Variants in MALRD1 observed in about 807,000 individuals in gnomAD.
MALRD1 encodes MAM and LDL-receptor class A domain-containing protein 1.
A neutral mutation model predicts 242.1 loss-of-function variants in MALRD1; 247 were observed. The observed-to-expected ratio is 1.02, with a 90% CI of 0.92 to 1.13. The LOEUF (loss-of-function observed/expected upper bound fraction) is 1.13, where lower values mean the gene tolerates loss of function less well. Ranked by LOEUF, MALRD1 falls within the 50% of genes most tolerant of loss-of-function variation. The probability of loss-of-function intolerance (pLI) is 0.00; values close to 1 mark genes in which losing one functional copy is unlikely to be tolerated. For synonymous variants in MALRD1, 995 were observed against 866.6 expected, an observed-to-expected ratio of 1.15 and a Z score of -2.60; for missense variants, 2,989 against 2,533.1, an observed-to-expected ratio of 1.18 and a Z score of -3.86.
Position 19,108,403 on chromosome 10 carries a change from T to A in MALRD1, c.694+4328T>A, listed in dbSNP as rs1341046004. 3.2e-3 allele frequency among the ~76,000 whole-genome samples: 33 copies of A among 10,234 alleles called. 1 individual carries two copies. The highest frequency in any genetic ancestry group is 0.1 in the Middle Eastern group (1 of 10). 6.7% of individuals were successfully genotyped at this position (10,234 alleles called of 152,430 possible). A position where few individuals can be genotyped will look rare whatever the true frequency, so the allele number is the denominator to read the frequency against. On this transcript the variant is annotated intron_variant, in intron 5 of 39. Transcript: ENST00000454679. Reference sequence around the variant, plus strand: ...TTGTTTTTTCTTTTTTTTTTTTTTTTTTTTTTTTTTTTTTTTTTTTTTAAG... The same window carrying A: ...TTGTTTTTTCTTTTTTTTTTTTTTTATTTTTTTTTTTTTTTTTTTTTTAAG...
chr10:19,286,891 C>T (rs927279966), intron 21 of MALRD1, among the ~76,000 whole-genome samples: 26 of 150,424 alleles, frequency 1.7e-4, no homozygotes, highest in African/African-American at 6.1e-4. Flanking sequence ...AGACCAATAT[C>T]CTTGATGAAC....
intron 21 of MALRD1, among the ~76,000 whole-genome samples, chr10:19,285,429 A>G (rs1394606724): frequency 6.6e-6 from 1 of 150,698 alleles, no homozygotes; most frequent in Non-Finnish European, 1.5e-5. Flanking sequence ...TGATTTTTGT[A>G]TAAGGTATAA....
At chr10:19,301,470 CCAT>C (rs1841947569) in intron 21 of MALRD1, among the ~76,000 whole-genome samples, 2 of 151,824 alleles carry the variant, frequency 1.3e-5, no homozygotes, top group South Asian at 4.1e-4. Flanking sequence ...ACCTAAATTC[CCAT>C]CAACAGCAGA....
At chr10:19,413,519 ATTATT>A (rs1204037990) in intron 28 of MALRD1, among the ~76,000 whole-genome samples, 1 of 151,698 alleles carries the variant, frequency 6.6e-6, no homozygotes, top group Non-Finnish European at 1.5e-5. Flanking sequence ...TCCAATTTTA[ATTATT>A]TTAATAGAAA....
At chr10:19,138,449 C>G (rs1056905840) in intron 10 of MALRD1, among the ~76,000 whole-genome samples, 1 of 131,714 alleles carries the variant, frequency 7.6e-6, no homozygotes, top group South Asian at 2.3e-4. Context: ...GGGACAGAGT[C>G]TTGCTCTGTC....
chr10:19,124,872 A>G (rs1837198102), intron 7 of MALRD1, among the ~76,000 whole-genome samples: 1 of 127,722 alleles, frequency 7.8e-6, no homozygotes, highest in African/African-American at 3.0e-5. Context: ...GGTTAACAAT[A>G]TTTTTTAAGT....
At chr10:19,081,016 C>T (rs1835472951) in intron 2 of MALRD1, among the ~76,000 whole-genome samples, 1 of 152,016 alleles carries the variant, frequency 6.6e-6, no homozygotes, top group Admixed American at 6.6e-5. Context: ...TGAAAAAAAC[C>T]TCAACATCAT....
intron 21 of MALRD1, among the ~76,000 whole-genome samples, chr10:19,300,414 C>G (rs949223465): frequency 2.6e-5 from 4 of 151,754 alleles, no homozygotes; most frequent in Admixed American, 6.6e-5. Flanking sequence ...AAGAGCAATC[C>G]TAAGCAAAAA....
At chr10:19,723,053 G>A (rs1238545651) in intron 38 of MALRD1, among the ~76,000 whole-genome samples, 1 of 152,024 alleles carries the variant, frequency 6.6e-6, no homozygotes, top group Non-Finnish European at 1.5e-5. Flanking sequence ...CCATCTTAAG[G>A]GGTGAGTTAC....
At chr10:19,629,480 G>A (rs73595881) in intron 36 of MALRD1, among the ~76,000 whole-genome samples, 10,046 of 152,164 alleles carry the variant, frequency 0.066, 807 homozygotes, top group African/African-American at 0.19. Context: ...TAAGAATCAG[G>A]AGATTCAAAA....
rs1834586673 is a variant in MALRD1, at chr10:19,164,535, A to G, written c.1657-1102A>G. 2.0e-5 allele frequency among the ~76,000 whole-genome samples: 3 copies of G among 152,220 alleles called. No individual in the cohort carries two copies. The South Asian group carries it at 6.2e-4, about 32-fold the overall frequency. ...TAAATGTTGGGTTTTTCTTTAAAAC[A>G]TACAGCCTTAGGACCTGTTATATGA... is the stretch of plus-strand genomic sequence containing the variant. On this transcript the variant is annotated intron_variant, in intron 12 of 39. Transcript: ENST00000454679.
rs1564407963 is a variant in MALRD1 at position 19,125,322 on chromosome 10, C to CTTCCTTCT, written c.943+655_943+656insCTTCTTTC. On this transcript the variant is annotated intron_variant, in intron 7 of 39. Transcript: ENST00000454679. ...CCTTCCTTCCTTCCTTCCTTCCTTC[C>CTTCCTTCT]TTCTTTCTTTCTTTCTTTCTTTCTT... 1.1e-3 allele frequency among the ~76,000 whole-genome samples: 72 copies of CTTCCTTCT among 63,762 alleles called. 1 individual carries two copies. The highest frequency in any genetic ancestry group is 1.9e-3 in the South Asian group (3 of 1,556). 41.8% of individuals were successfully genotyped at this position (63,762 alleles called of 152,430 possible).
chr10:19,146,141 T>C (rs923130785), intron 10 of MALRD1, 57 bp from the exon 11 acceptor site: 2 of 1,200,804 alleles, frequency 1.7e-6, no homozygotes, highest in Admixed American at 8.5e-5. Flanking sequence ...CGTAGAGCAG[T>C]GTTTGCCTGC....
chr10:19,433,149 C>T (rs1834212674), intron 28 of MALRD1, among the ~76,000 whole-genome samples: 1 of 152,134 alleles, frequency 6.6e-6, no homozygotes, highest in African/African-American at 2.4e-5. Context: ...ATCAGGTTAT[C>T]ATACCAGGGA....
chr10:19,108,257 T>C (rs1588555266), intron 5 of MALRD1, among the ~76,000 whole-genome samples: 1 of 152,142 alleles, frequency 6.6e-6, no homozygotes, highest in South Asian at 2.1e-4. Flanking sequence ...ATCCTTGTTC[T>C]ACTAGTGTGT....
At chr10:19,572,069 T>C (rs1174895191) in intron 33 of MALRD1, among the ~76,000 whole-genome samples, 1 of 152,188 alleles carries the variant, frequency 6.6e-6, no homozygotes, top group Non-Finnish European at 1.5e-5. Flanking sequence ...CAGTTTTCTT[T>C]CCATGTAGAA....
intron 32 of MALRD1, among the ~76,000 whole-genome samples, chr10:19,546,719 A>G (rs192690389): frequency 6.6e-6 from 1 of 152,294 alleles, no homozygotes; most frequent in Admixed American, 6.5e-5. Context: ...ATTTTCATCA[A>G]AAAGTTTCCA....
chr10:19,408,049 A>G (rs1833112879), intron 28 of MALRD1, among the ~76,000 whole-genome samples: 1 of 152,108 alleles, frequency 6.6e-6, no homozygotes, highest in African/African-American at 2.4e-5. Flanking sequence ...TTATTATATT[A>G]TGGGTAACAT....
chr10:19,725,819 A>G (rs1280049051), intron 38 of MALRD1, among the ~76,000 whole-genome samples: 2 of 152,202 alleles, frequency 1.3e-5, no homozygotes, highest in Non-Finnish European at 2.9e-5. Context: ...ATGCTTGACA[A>G]CAATGCCAAG....
Sources: gnomAD v4.1 joint callset for allele counts (sites outside exome capture counted in the v4.1 genomes callset) on GRCh38, gnomAD v4.1.1 for gene constraint, MANE v1.5 for transcripts, NCBI Gene and HGNC (gene_info 2026-07-23, HGNC 2026-07-21) for gene names.